GRIK2: variants seen among roughly 807,000 people sequenced by gnomAD.
GRIK2 encodes the protein glutamate ionotropic receptor kainate type subunit 2.
A neutral mutation model predicts 100.3 loss-of-function variants in GRIK2; 32 were observed. The observed-to-expected ratio is 0.32, with a 90% CI of 0.24 to 0.43. The LOEUF (loss-of-function observed/expected upper bound fraction) is 0.43. Ranked by LOEUF, GRIK2 falls within the 20% of genes least tolerant of loss-of-function variation. GRIK2 has a pLI of 1.00. For missense variants in GRIK2, 843 were observed against 1,114.9 expected (o/e 0.76, Z 3.47); for synonymous variants, 417 against 389.4 (o/e 1.07, Z -0.83).
chr6:101,625,517 T>C (rs1483720474), intron 3 of GRIK2, among the ~76,000 whole-genome samples: 2 of 152,064 alleles, frequency 1.3e-5, no homozygotes, highest in Non-Finnish European at 2.9e-5. Context: ...ACATGCCAGG[T>C]CTTCATATAT....
chr6:101,927,034 C>G (rs1242557717), intron 13 of GRIK2, among the ~76,000 whole-genome samples: 2 of 152,078 alleles, frequency 1.3e-5, no homozygotes, highest in African/African-American at 2.4e-5. Context: ...GTGTGTCTGA[C>G]AGGGCCTAGG....
At chr6:101,747,647 A>T (rs765084492) in intron 7 of GRIK2, among the ~76,000 whole-genome samples, 18 of 151,976 alleles carry the variant, frequency 1.2e-4, no homozygotes, top group Non-Finnish European at 2.5e-4. Context: ...TATTTCTGAA[A>T]TAATTCAAAG....
intron 10 of GRIK2, among the ~76,000 whole-genome samples, chr6:101,830,958 T>A (rs1019648388): frequency 6.6e-6 from 1 of 151,666 alleles, no homozygotes; most frequent in Non-Finnish European, 1.5e-5. Context: ...TACTGGAAAT[T>A]CCAAAGAGGG....
intron 2 of GRIK2, among the ~76,000 whole-genome samples, chr6:101,402,577 G>A (rs1453593769): frequency 6.6e-6 from 1 of 152,224 alleles, no homozygotes; most frequent in African/African-American, 2.4e-5. Context: ...CTCCAGGCAG[G>A]CGGGCGAGCC....
At chr6:101,551,629 T>C (rs1776511842) in intron 2 of GRIK2, among the ~76,000 whole-genome samples, 1 of 152,168 alleles carries the variant, frequency 6.6e-6, no homozygotes, top group Non-Finnish European at 1.5e-5. Flanking sequence ...CGCACTGTTC[T>C]GGACTCTTGG....
chr6:101,669,264 A>T (rs1239222284), intron 4 of GRIK2, among the ~76,000 whole-genome samples: 1 of 152,194 alleles, frequency 6.6e-6, no homozygotes, highest in Non-Finnish European at 1.5e-5. Context: ...CAATTTAAAT[A>T]GGCACCAAAT....
chr6:101,445,595 A>G (rs1021154509), intron 2 of GRIK2, among the ~76,000 whole-genome samples: 1 of 151,838 alleles, frequency 6.6e-6, no homozygotes, highest in Non-Finnish European at 1.5e-5. Flanking sequence ...TCTTCTACCA[A>G]TTTTCTTTCA....
chr6:101,700,426 C>T (rs2128352108), intron 7 of GRIK2, among the ~76,000 whole-genome samples: 1 of 151,666 alleles, frequency 6.6e-6, no homozygotes, highest in Admixed American at 6.6e-5. Context: ...AGTAGGAAGG[C>T]CATTTAGGAA....
intron 2 of GRIK2, among the ~76,000 whole-genome samples, chr6:101,572,815 ATTATTTATTTATTTATTTATTTAT>A (rs3056164): frequency 9.1e-6 from 1 of 109,832 alleles, no homozygotes; most frequent in African/African-American, 4.3e-5. Context: ...ATTGTTGTTT[ATTATTTATTTATTTATTTATTTAT>A]TTATTTATTT....
intron 4 of GRIK2, among the ~76,000 whole-genome samples, chr6:101,657,505 C>T (rs1769282835): frequency 6.6e-6 from 1 of 152,018 alleles, no homozygotes. Flanking sequence ...TTCCCTTTGC[C>T]CTGATTTCAA....
At chr6:101,629,054 TA>T (rs1780590704) in intron 4 of GRIK2, among the ~76,000 whole-genome samples, 1 of 152,100 alleles carries the variant, frequency 6.6e-6, no homozygotes, top group African/African-American at 2.4e-5. Flanking sequence ...ATTCCTGCTT[TA>T]AATTATATTC....
intron 2 of GRIK2, chr6:101,430,264 C>CA (rs1582433114): frequency 1.3e-5 from 2 of 152,976 alleles, no homozygotes; most frequent in Admixed American, 1.3e-4. Context: ...AAATCAGCAG[C>CA]AAGTTTTATA....
chr6:101,723,546 A>T (rs1774640231), intron 7 of GRIK2, among the ~76,000 whole-genome samples: 1 of 152,050 alleles, frequency 6.6e-6, no homozygotes, highest in Non-Finnish European at 1.5e-5. Flanking sequence ...TGGCTGTAAG[A>T]TACATTTTGC....
chr6:101,828,653 C>T (rs546087874), intron 10 of GRIK2, among the ~76,000 whole-genome samples: 1 of 151,978 alleles, frequency 6.6e-6, no homozygotes, highest in East Asian at 1.9e-4. Flanking sequence ...ACTATGGACA[C>T]AAACTAGAAA....
At position 102,019,988 on chromosome 6, in the gene GRIK2, T is replaced by C. The variant is rs9498802; in HGVS notation, c.2086-15353T>C. ...AAAACATTTCAGACAGATGCAGCATTTTTAAAAATATTGTTTTCTGCTATA... is the reference window on the plus strand; with the variant it reads ...AAAACATTTCAGACAGATGCAGCATCTTTAAAAATATTGTTTTCTGCTATA... On this transcript the variant is annotated intron_variant, in intron 14 of 16. Transcript: ENST00000369134. Among the ~76,000 whole-genome samples the C allele has an allele frequency of 8.6e-3, 1,301 of 152,062 alleles. 21 individuals carry two copies. The highest frequency in any genetic ancestry group is 0.03 in the African/African-American group (1,259 of 41,540).
Position 101,488,867 on chromosome 6 carries a change from T to C in GRIK2, c.115+89475T>C, listed in dbSNP as rs902230121. Reference sequence around the variant, plus strand: ...ACAGGGGATGAATGTACAAAAAACATGTAAATAAAACTATTGGAGTTTTCT... The same window carrying C: ...ACAGGGGATGAATGTACAAAAAACACGTAAATAAAACTATTGGAGTTTTCT... On this transcript the variant is annotated intron_variant, in intron 2 of 16. Coordinates refer to ENST00000369134, the MANE Select transcript of GRIK2 (RefSeq NM_021956.5). 2.7e-5 allele frequency among the ~76,000 whole-genome samples: 4 copies of C among 146,342 alleles called. 1 individual carries two copies. Among genetic ancestry groups the C allele is most frequent in the Non-Finnish European group, 4.5e-5 (3 of 66,502 alleles).
chr6:101,789,981 G>C (rs576591142), intron 7 of GRIK2, among the ~76,000 whole-genome samples: 140 of 152,176 alleles, frequency 9.2e-4, no homozygotes, highest in Admixed American at 2.0e-3. Context: ...GTGAATGGGA[G>C]TTCACTCATG....
chr6:101,753,489 C>T (rs370216705), intron 7 of GRIK2, among the ~76,000 whole-genome samples: 5 of 151,994 alleles, frequency 3.3e-5, no homozygotes, highest in African/African-American at 1.2e-4. Flanking sequence ...AGTATGAAGT[C>T]TTTGTGGGGA....
At chr6:101,697,118 T>G (rs1239823699) in intron 7 of GRIK2, among the ~76,000 whole-genome samples, 1 of 152,052 alleles carries the variant, frequency 6.6e-6, no homozygotes, top group African/African-American at 2.4e-5. Flanking sequence ...TTTAGTGGGT[T>G]GTCATAAGGA....
Sources: allele counts gnomAD v4.1 joint callset (sites outside exome capture counted in the v4.1 genomes callset), GRCh38; gene constraint gnomAD v4.1.1; transcripts MANE v1.5; gene names NCBI Gene and HGNC (gene_info 2026-07-23, HGNC 2026-07-21).